SGCG: variants seen among roughly 807,000 people sequenced by gnomAD.
The protein encoded by SGCG is sarcoglycan gamma, also known as gamma-sarcoglycan.
A neutral mutation model predicts 29.3 loss-of-function variants in SGCG; 26 were observed. That is an observed-to-expected ratio of 0.89 (90% CI 0.65 to 1.23). SGCG has a LOEUF of 1.23. Ranked by LOEUF, SGCG falls within the 50% of genes most tolerant of loss-of-function variation. SGCG has a pLI of 0.00. For missense variants in SGCG, 353 were observed against 356.0 expected (o/e 0.99, Z 0.07); for synonymous variants, 145 against 129.7 (o/e 1.12, Z -0.80).
intron 5 of SGCG, among the ~76,000 whole-genome samples, chr13:23,284,134 GAATTTGAATGTTGGCCTGTCTTGCT>G (rs1276855216): frequency 6.6e-6 from 1 of 152,146 alleles, no homozygotes; most frequent in Non-Finnish European, 1.5e-5. Flanking sequence ...TCTATTTCCT[GAATTTGAATGTTGGCCTGTCTTGCT>G]AGTTTGGGGA....
At chr13:23,190,701 C>T (rs1877211830) in intron 1 of SGCG, among the ~76,000 whole-genome samples, 1 of 152,058 alleles carries the variant, frequency 6.6e-6, no homozygotes, top group Non-Finnish European at 1.5e-5. Context: ...TTGTAATTGA[C>T]CCACTATATT....
intron 7 of SGCG, among the ~76,000 whole-genome samples, chr13:23,322,897 C>G (rs537739186): frequency 7.5e-4 from 114 of 152,054 alleles, no homozygotes; most frequent in African/African-American, 2.7e-3. Context: ...GAATTCAGGA[C>G]TCTTATCCGG....
chr13:23,204,532 G>A (rs1472783233), intron 2 of SGCG, among the ~76,000 whole-genome samples: 1 of 152,140 alleles, frequency 6.6e-6, no homozygotes, highest in Non-Finnish European at 1.5e-5. Context: ...ATTGCAGGCA[G>A]GTCAGTCTGT....
intron 3 of SGCG, among the ~76,000 whole-genome samples, chr13:23,248,216 T>A (rs1336129655): frequency 2.0e-5 from 3 of 152,148 alleles, no homozygotes; most frequent in Non-Finnish European, 4.4e-5. Context: ...AAAAAAAATT[T>A]TTTTAATTTT....
chr13:23,239,248 T>C (rs1209127890), intron 3 of SGCG, among the ~76,000 whole-genome samples: 1 of 151,812 alleles, frequency 6.6e-6, no homozygotes, highest in Non-Finnish European at 1.5e-5. Context: ...ATATATAACA[T>C]ACAAAGGAGT....
intron 6 of SGCG, among the ~76,000 whole-genome samples, chr13:23,299,418 A>G (rs1259566252): frequency 4.3e-4 from 1 of 2,300 alleles, no homozygotes; most frequent in Non-Finnish European, 9.8e-4. Flanking sequence ...ATATATATAT[A>G]TATATATATA....
chr13:23,220,377 G>A (rs186511815), intron 2 of SGCG, among the ~76,000 whole-genome samples: 6 of 152,296 alleles, frequency 3.9e-5, no homozygotes, highest in Non-Finnish European at 7.4e-5. Context: ...CTGAGCCAGG[G>A]AGGAGGAGGT....
intron 6 of SGCG, among the ~76,000 whole-genome samples, chr13:23,296,248 T>C (rs898371773): frequency 3.3e-5 from 5 of 152,256 alleles, no homozygotes; most frequent in African/African-American, 1.2e-4. Flanking sequence ...AGGTGCCTTA[T>C]GTGGCCGTGA....
In SGCG at chr13:23,189,190, C is replaced by T. The variant is rs143112004; in HGVS notation, c.-1+8115C>T. Among the ~76,000 whole-genome samples, 509 of 152,236 alleles carry T rather than the reference C, an allele frequency of 3.3e-3. 1 individual carries two copies. The highest frequency in any genetic ancestry group is 6.8e-3 in the Middle Eastern group (2 of 294). ...CATATTTGTTGACCAGGGAAATGAC[C>T]GTTTGGTGGTTCCAAACCCTCTGTC... On this transcript the variant is annotated intron_variant, in intron 1 of 7. Transcript: ENST00000218867.
At chr13:23,297,234 T>TTTA (rs1555245577) in intron 6 of SGCG, among the ~76,000 whole-genome samples, 201 of 106,270 alleles carry the variant, frequency 1.9e-3, no homozygotes, top group Non-Finnish European at 3.0e-3. Context: ...TCTTTTATTT[T>TTTA]TTTTTTTTTT....
At chr13:23,299,197 C>G (rs1882022046) in intron 6 of SGCG, among the ~76,000 whole-genome samples, 2 of 151,752 alleles carry the variant, frequency 1.3e-5, no homozygotes, top group South Asian at 4.2e-4. Flanking sequence ...CCATGTACAT[C>G]CAGTTTGCTG....
At chr13:23,232,698 T>C (rs1593187069) in intron 2 of SGCG, among the ~76,000 whole-genome samples, 1 of 151,730 alleles carries the variant, frequency 6.6e-6, no homozygotes, top group Non-Finnish European at 1.5e-5. Flanking sequence ...AGGAGAATGG[T>C]GTGAACCCAG....
At chr13:23,269,593 T>G (rs1880778950) in intron 4 of SGCG, among the ~76,000 whole-genome samples, 5 of 152,228 alleles carry the variant, frequency 3.3e-5, no homozygotes, top group Admixed American at 3.3e-4. Flanking sequence ...CCCATCATAC[T>G]TACATGAGGA....
At chr13:23,259,356 ATAGT>A (rs1386061447) in intron 4 of SGCG, among the ~76,000 whole-genome samples, 1 of 151,648 alleles carries the variant, frequency 6.6e-6, no homozygotes, top group Non-Finnish European at 1.5e-5. Context: ...TTCTCTGATG[ATAGT>A]TTGTATTTCT....
chr13:23,213,116 C>T (rs974554192), intron 2 of SGCG, among the ~76,000 whole-genome samples: 2 of 152,066 alleles, frequency 1.3e-5, no homozygotes, highest in Admixed American at 1.3e-4. Flanking sequence ...GGCAAAGTAC[C>T]CATATCTTTG....
At chr13:23,300,925 C>A (rs2137655751) in intron 6 of SGCG, among the ~76,000 whole-genome samples, 1 of 151,810 alleles carries the variant, frequency 6.6e-6, no homozygotes, top group East Asian at 1.9e-4. Context: ...ACCATCCTGG[C>A]TAACACGGTG....
chr13:23,310,002 A>G (rs1882502767), intron 6 of SGCG, among the ~76,000 whole-genome samples: 1 of 151,412 alleles, frequency 6.6e-6, no homozygotes, highest in Non-Finnish European at 1.5e-5. Flanking sequence ...TTTGTATGTA[A>G]GCGGCTACTA....
the SGCG span, among the ~76,000 whole-genome samples, chr13:23,167,094 C>A: frequency 4.6e-5 from 7 of 152,312 alleles, no homozygotes; most frequent in South Asian, 1.2e-3. Flanking sequence ...TACTCTGTCT[C>A]CATGAGTTCA....
Position 23,203,812 on chromosome 13 carries a change from G to A in SGCG, c.118G>A (p.Val40Ile), listed in dbSNP as rs764468720. 2 of 1,613,992 alleles carry A rather than the reference G, an allele frequency of 1.2e-6. No individual in the cohort carries two copies. The highest frequency in any genetic ancestry group is 1.1e-5 in the South Asian group (1 of 91,070). The part of the protein sequence containing the change: ...GWRKRCLYLF[V>I]LLLLIILVVN... The stretch of plus-strand genomic sequence containing the variant: ...GAGAAAGCGCTGTCTCTACTTGTTT[G>A]TTCTTCTTTTACTCATCATCCTCGT... The change falls in exon 2 of 8, where the codon GTT becomes ATT. Residue 40 changes from valine (V) to isoleucine (I), a missense_variant. By Grantham distance (29) the Val-to-Ile change is conservative (BLOSUM62 3). Transcript: ENST00000218867.
Sources: allele counts gnomAD v4.1 joint callset (sites outside exome capture counted in the v4.1 genomes callset), GRCh38; gene constraint gnomAD v4.1.1; transcripts MANE v1.5; gene names NCBI Gene and HGNC (gene_info 2026-07-23, HGNC 2026-07-21).